SLAIN2: variants seen among roughly 807,000 people sequenced by gnomAD.
SLAIN2 encodes the protein SLAIN motif-containing protein 2.
A neutral mutation model predicts 56.6 loss-of-function variants in SLAIN2; 31 were observed. The observed-to-expected ratio is 0.55, with a 90% CI of 0.41 to 0.74. The LOEUF (loss-of-function observed/expected upper bound fraction) is 0.74, where lower values mean the gene tolerates loss of function less well. SLAIN2 is among the 30% of genes least tolerant of loss of function. The probability of loss-of-function intolerance (pLI) is 0.00; values close to 1 mark genes in which losing one functional copy is unlikely to be tolerated. For missense variants in SLAIN2, 777 were observed against 754.2 expected (o/e 1.03, Z -0.35); for synonymous variants, 317 against 284.9 (o/e 1.11, Z -1.13).
chr4:48,369,415 T>C (rs1715608770), intron 1 of SLAIN2, among the ~76,000 whole-genome samples: 1 of 152,198 alleles, frequency 6.6e-6, no homozygotes, highest in Non-Finnish European at 1.5e-5. Context: ...GGATACTGCT[T>C]AACTAAAAGG....
chr4:48,404,734 C>G (rs1716650340), intron 6 of SLAIN2, among the ~76,000 whole-genome samples: 2 of 152,144 alleles, frequency 1.3e-5, no homozygotes, highest in Non-Finnish European at 2.9e-5. Flanking sequence ...TTGTCTTTCT[C>G]TGTAGTTAAA....
intron 1 of SLAIN2, among the ~76,000 whole-genome samples, chr4:48,353,616 C>G (rs546558537): frequency 6.6e-6 from 1 of 152,106 alleles, no homozygotes; most frequent in South Asian, 2.1e-4. Context: ...GAGTAAAGAT[C>G]AAAGGACATA....
chr4:48,416,828 A>C (rs1307384490), intron 6 of SLAIN2, among the ~76,000 whole-genome samples: 6 of 132,414 alleles, frequency 4.5e-5, no homozygotes, highest in Admixed American at 1.6e-4. Flanking sequence ...ACCACATACC[A>C]GAATCTCTGG....
At chr4:48,405,301 A>G (rs1716664876) in intron 6 of SLAIN2, among the ~76,000 whole-genome samples, 1 of 152,184 alleles carries the variant, frequency 6.6e-6, no homozygotes, top group African/African-American at 2.4e-5. Context: ...CTGAACTTTC[A>G]TAGCAGTCAC....
chr4:48,364,830 G>C (rs1003341730), intron 1 of SLAIN2, among the ~76,000 whole-genome samples: 2 of 140,820 alleles, frequency 1.4e-5, no homozygotes, highest in South Asian at 2.6e-4. Context: ...GTCCAGCTTC[G>C]GCTCCGCATG....
intron 2 of SLAIN2, among the ~76,000 whole-genome samples, chr4:48,372,041 T>G (rs575503755): frequency 7.4e-6 from 1 of 134,766 alleles, no homozygotes; most frequent in Non-Finnish European, 1.6e-5. Context: ...TATATACATA[T>G]ACATATATAC....
chr4:48,379,596 A>G, intron 3 of SLAIN2, 94 bp from the exon 4 acceptor site: 2 of 1,035,836 alleles, frequency 1.9e-6, no homozygotes, highest in Non-Finnish European at 2.5e-6. Flanking sequence ...GAATGAATTA[A>G]ATCAAAGGGT....
intron 7 of SLAIN2, among the ~76,000 whole-genome samples, chr4:48,421,001 GTTTTGTTTTTGT>G (rs567378505): frequency 4.3e-4 from 65 of 151,926 alleles, no homozygotes; most frequent in African/African-American, 1.5e-3. Flanking sequence ...GTTGTTTTTT[GTTTTGTTTTTGT>G]TTTTGTTTTG....
chr4:48,383,615 A>C (rs1318653653), intron 5 of SLAIN2, 32 bp from the exon 6 acceptor site: 2 of 1,475,870 alleles, frequency 1.4e-6, no homozygotes, highest in African/African-American at 2.8e-5. Context: ...CTGAAAGAAT[A>C]TGATTTTTTT....
intron 6 of SLAIN2, chr4:48,387,497 C>T (rs1309507305): frequency 6.6e-6 from 1 of 150,476 alleles, no homozygotes; most frequent in Admixed American, 6.6e-5. Flanking sequence ...TGGTGTATTT[C>T]AGTACTTGAA....
chr4:48,350,870 C>T (rs1714993156), intron 1 of SLAIN2, among the ~76,000 whole-genome samples: 1 of 152,092 alleles, frequency 6.6e-6, no homozygotes, highest in Non-Finnish European at 1.5e-5. Context: ...ATTCTATCTC[C>T]TTGAAATATG....
Position 48,401,006 on chromosome 4 carries a change from G to A in SLAIN2, c.1360+17222G>A, listed in dbSNP as rs186411863. Among the ~76,000 whole-genome samples the A allele has an allele frequency of 1.6e-3, 250 of 152,250 alleles. 2 individuals are homozygous for A. The highest frequency in any genetic ancestry group is 5.3e-3 in the African/African-American group (222 of 41,556). Reference sequence around the variant, plus strand: ...ATATGTTGTCTCTTTGTTCTGATTAGTTTCAAAGAAAGTCTTGATTTTTGC... The same window carrying A: ...ATATGTTGTCTCTTTGTTCTGATTAATTTCAAAGAAAGTCTTGATTTTTGC... On this transcript the variant is annotated intron_variant, in intron 6 of 7. Transcript: ENST00000264313.
At chr4:48,357,173 A>G in intron 1 of SLAIN2, among the ~76,000 whole-genome samples, 1 of 151,762 alleles carries the variant, frequency 6.6e-6, no homozygotes, top group East Asian at 1.9e-4. Flanking sequence ...TGATGGGCCA[A>G]ATATAATAAT....
chr4:48,383,071 G>A, intron 5 of SLAIN2, 144 bp downstream of exon 5: 1 of 866,590 alleles, frequency 1.2e-6, no homozygotes, highest in South Asian at 2.0e-5. Flanking sequence ...GAGAGGCTGA[G>A]GCTGGAGGAT....
chr4:48,362,732 C>CTTTTTTTTTTTTTTTTTT, intron 1 of SLAIN2, among the ~76,000 whole-genome samples: 2 of 116,398 alleles, frequency 1.7e-5, no homozygotes, highest in Middle Eastern at 4.5e-3. Context: ...TTTTAAATTT[C>CTTTTTTTTTTTTTTTTTT]TTTTTTTTTT....
At chr4:48,382,972 C>T (rs1203471236) in intron 5 of SLAIN2, 45 bp downstream of exon 5, 2 of 1,510,820 alleles carry the variant, frequency 1.3e-6, no homozygotes, top group South Asian at 2.6e-5. Context: ...TTCTGCTAGC[C>T]TGTGTAACAT....
At chr4:48,390,540 A>G (rs1716213998) in intron 6 of SLAIN2, among the ~76,000 whole-genome samples, 2 of 152,148 alleles carry the variant, frequency 1.3e-5, no homozygotes, top group African/African-American at 2.4e-5. Flanking sequence ...GAAACTAGTT[A>G]TAGTACTAAT....
At chr4:48,361,206 A>G (rs1715318409) in intron 1 of SLAIN2, among the ~76,000 whole-genome samples, 1 of 152,214 alleles carries the variant, frequency 6.6e-6, no homozygotes, top group African/African-American at 2.4e-5. Flanking sequence ...CTGATACCCA[A>G]TAGAAAATAG....
chr4:48,398,220 T>C (rs1260587697), intron 6 of SLAIN2, among the ~76,000 whole-genome samples: 1 of 152,192 alleles, frequency 6.6e-6, no homozygotes, highest in Non-Finnish European at 1.5e-5. Flanking sequence ...CTCATTGTTG[T>C]TTTGATTTGC....
Sources: gnomAD v4.1 joint callset for allele counts (sites outside exome capture counted in the v4.1 genomes callset) on GRCh38, gnomAD v4.1.1 for gene constraint, MANE v1.5 for transcripts, NCBI Gene and HGNC (gene_info 2026-07-23, HGNC 2026-07-21) for gene names.